MCM5: variants seen among roughly 807,000 people sequenced by gnomAD.
MCM5 encodes DNA replication licensing factor MCM5.
In MCM5, 46 loss-of-function variants were observed where a neutral mutation model predicts 79.9. The observed-to-expected ratio is 0.58, with a 90% CI of 0.45 to 0.74. MCM5 has a LOEUF of 0.74. Ranked by LOEUF, MCM5 falls within the 30% of genes least tolerant of loss-of-function variation. The pLI is 0.00. For synonymous variants in MCM5, 404 were observed against 390.5 expected, an observed-to-expected ratio of 1.03 and a Z score of -0.41; for missense variants, 883 against 1,017.0, an observed-to-expected ratio of 0.87 and a Z score of 1.79.
the MCM5 span, among the ~76,000 whole-genome samples, chr22:35,438,564 C>CATCT: frequency 9.8e-6 from 1 of 101,932 alleles, no homozygotes; most frequent in Non-Finnish European, 1.9e-5. Context: ...CATATTCATC[C>CATCT]ATCCATCCAT....
chr22:35,454,046 C>CAGAGAT, the MCM5 span, among the ~76,000 whole-genome samples: 2 of 151,948 alleles, frequency 1.3e-5, no homozygotes, highest in South Asian at 4.2e-4. Flanking sequence ...CAGAGACAGA[C>CAGAGAT]AGAGATAGAG....
rs374933690 is a variant in MCM5 at position 35,416,832 on chromosome 22, G to A, written c.1590+18G>A. ...GGGATGTGGTACGTCCAGGGGCAGG[G>A]CTGGTGGCCATGGGACCTGCCTCCA... On this transcript the variant is annotated intron_variant, in intron 12 of 16. Coordinates refer to ENST00000216122, the MANE Select transcript of MCM5 (RefSeq NM_006739.4). 1.1e-5 allele frequency: 17 copies of A among 1,609,878 alleles called. No homozygotes were observed. The highest frequency in any genetic ancestry group is 1.4e-5 in the Non-Finnish European group (17 of 1,177,372).
At chr22:35,426,693 C>T (rs1257351494), downstream of MCM5, among the ~76,000 whole-genome samples, 19 of 152,210 alleles carry the variant, frequency 1.2e-4, no homozygotes, top group African/African-American at 4.8e-5. Flanking sequence ...GACATCAGAG[C>T]AGCTGGGCCT....
Position 35,413,878 on chromosome 22 carries a change from C to T in MCM5, c.1095C>T (p.Leu365=). ...CCATCTACCCTTCGTCCCCCAGGCT[C>T]CCTGATGGACTTACTCGCCGAGGAG... The part of the protein sequence containing the change: ...CLLFGGSRKR[L]PDGLTRRGDI... The change falls in exon 9 of 17, where the codon CTC becomes CTT. Residue 365 remains leucine (L), a synonymous_variant. Transcript: ENST00000216122. 6.3e-7 allele frequency: 1 copy of T among 1,598,068 alleles called. No homozygotes were observed. The highest frequency in any genetic ancestry group is 8.6e-7 in the Non-Finnish European group (1 of 1,165,340).
the MCM5 span, among the ~76,000 whole-genome samples, chr22:35,448,758 T>G: frequency 1.3e-5 from 2 of 152,030 alleles, no homozygotes; most frequent in Non-Finnish European, 2.9e-5. Flanking sequence ...ACAACACGCA[T>G]TATTCTCACT....
At chr22:35,431,604 A>T in the MCM5 span, among the ~76,000 whole-genome samples, 1 of 152,132 alleles carries the variant, frequency 6.6e-6, no homozygotes, top group Non-Finnish European at 1.5e-5. Flanking sequence ...TATAGGACTC[A>T]TCAAATCTTA....
At chr22:35,436,799 CAA>C in the MCM5 span, among the ~76,000 whole-genome samples, 1 of 152,152 alleles carries the variant, frequency 6.6e-6, no homozygotes, top group Admixed American at 6.5e-5. Context: ...CCTTCACAAA[CAA>C]ATGAGAAGGG....
chr22:35,401,099 C>T (rs4645736), intron 2 of MCM5, among the ~76,000 whole-genome samples: 6,450 of 152,302 alleles, frequency 0.042, 365 homozygotes, highest in African/African-American at 0.12. Flanking sequence ...GGATTACAGG[C>T]GTGAGCCACC....
chr22:35,403,604 G>A (rs1434859477), intron 4 of MCM5, 62 bp downstream of exon 4: 2 of 1,588,588 alleles, frequency 1.3e-6, no homozygotes, highest in Non-Finnish European at 1.7e-6. Flanking sequence ...CCAGACCTGA[G>A]TGCTAGCTGT....
chr22:35,408,177 G>A (rs1244168789), intron 5 of MCM5, among the ~76,000 whole-genome samples: 1 of 152,146 alleles, frequency 6.6e-6, no homozygotes, highest in Non-Finnish European at 1.5e-5. Flanking sequence ...TTAATGGAAG[G>A]ACCCAGCCTC....
chr22:35,447,946 G>A, the MCM5 span, among the ~76,000 whole-genome samples: 6 of 152,316 alleles, frequency 3.9e-5, 1 homozygote, highest in South Asian at 8.3e-4. Flanking sequence ...GGCCCCTGGG[G>A]CCTGGCATTG....
At chr22:35,417,879 CG>C (rs752384918) in intron 13 of MCM5, 23 bp downstream of exon 13, 4 of 1,580,826 alleles carry the variant, frequency 2.5e-6, no homozygotes, top group Non-Finnish European at 3.5e-6. Flanking sequence ...CGCAGGCCCA[CG>C]GGGGTGAGGT....
Position 35,415,947 on chromosome 22 carries a change from T to G in MCM5, c.1322T>G (p.Val441Gly), listed in dbSNP as rs1601759656. The change falls in exon 10 of 17, where the codon GTC becomes GGC. Residue 441 changes from valine to glycine, a missense_variant. Transcript: ENST00000216122. ...GCCATGGTCCTGGCCGATGGTGGGGTCGTCTGTATTGACGAGTTTGACAAG... is the reference window on the plus strand; with the variant it reads ...GCCATGGTCCTGGCCGATGGTGGGGGCGTCTGTATTGACGAGTTTGACAAG... The part of the protein sequence containing the change: ...GGAMVLADGG[V>G]VCIDEFDKMR... 1.2e-6 allele frequency: 2 copies of G among 1,613,706 alleles called. No individual in the cohort carries two copies. Among genetic ancestry groups the G allele is most frequent in the Non-Finnish European group, 1.7e-6 (2 of 1,179,876 alleles).
chr22:35,440,794 G>C, the MCM5 span, among the ~76,000 whole-genome samples: 6 of 152,032 alleles, frequency 3.9e-5, no homozygotes, highest in East Asian at 9.7e-4. Context: ...GTGGTGGCTC[G>C]CACTTGTAAT....
rs960509378 is a variant in MCM5 at position 35,423,162 on chromosome 22, A to T, written c.1976-52A>T. 5.3e-6 allele frequency: 8 copies of T among 1,509,548 alleles called. No homozygotes were observed. In the African/African-American group the frequency reaches 8.3e-5, roughly 16 times the overall value. 93.5% of individuals were successfully genotyped at this position (1,509,548 alleles called of 1,614,324 possible). ...TTGGGCTAGAGGCTGTCTCTGTCCA[A>T]GAACTCCCATTGTCCCAGCTCCCCG... On this transcript the variant is annotated intron_variant, in intron 15 of 16. Coordinates refer to ENST00000216122, the MANE Select transcript of MCM5 (RefSeq NM_006739.4).
At chr22:35,446,958 G>A in the MCM5 span, among the ~76,000 whole-genome samples, 4 of 152,198 alleles carry the variant, frequency 2.6e-5, no homozygotes, top group African/African-American at 4.8e-5. Flanking sequence ...CCCTCCGGGG[G>A]CCTCAGCATC....
downstream of MCM5, among the ~76,000 whole-genome samples, chr22:35,428,010 T>G (rs1354885837): frequency 1.5e-5 from 2 of 133,050 alleles, no homozygotes. Context: ...CCCCCATCGC[T>G]CTCTCTCTCT....
intron 5 of MCM5, among the ~76,000 whole-genome samples, chr22:35,408,123 C>T (rs1297419643): frequency 6.6e-6 from 1 of 152,184 alleles, no homozygotes; most frequent in Non-Finnish European, 1.5e-5. Context: ...CACCATGATC[C>T]TGCAAGAAGA....
chr22:35,439,984 G>C, the MCM5 span, among the ~76,000 whole-genome samples: 10 of 152,292 alleles, frequency 6.6e-5, no homozygotes, highest in African/African-American at 2.4e-4. Context: ...AACCTGAAAA[G>C]AAAGGAAGAA....
Sources: gnomAD v4.1 joint callset for allele counts (sites outside exome capture counted in the v4.1 genomes callset) on GRCh38, gnomAD v4.1.1 for gene constraint, MANE v1.5 for transcripts, NCBI Gene and HGNC (gene_info 2026-07-23, HGNC 2026-07-21) for gene names.